The following ACYP2 variants were observed in gnomAD, a reference collection of about 807,000 sequenced individuals.
ACYP2 encodes the protein acylphosphatase 2, also known as acylphosphatase-2.
ACYP2 carries 12 observed loss-of-function variants against 11.2 expected under a neutral mutation model. The observed-to-expected ratio is 1.08, with a 90% CI of 0.69 to 1.74. The LOEUF is 1.74. ACYP2 is among the 40% of genes most tolerant of loss of function. The pLI, the probability that ACYP2 is intolerant of heterozygous loss-of-function variation, is 0.00. For synonymous variants in ACYP2, 43 were observed against 32.2 expected, an observed-to-expected ratio of 1.33 and a Z score of -1.13; for missense variants, 134 against 101.9, an observed-to-expected ratio of 1.31 and a Z score of -1.35.
At chr2:53,979,501 C>T (rs1170483895) in intron 2 of ACYP2, among the ~76,000 whole-genome samples, 2 of 151,642 alleles carry the variant, frequency 1.3e-5, no homozygotes, top group African/African-American at 4.8e-5. Flanking sequence ...GGGGTATGCA[C>T]CTGTAGTCCC....
At chr2:53,992,295 A>C (rs1025419195) in intron 2 of ACYP2, among the ~76,000 whole-genome samples, 1 of 152,042 alleles carries the variant, frequency 6.6e-6, no homozygotes, top group African/African-American at 2.4e-5. Flanking sequence ...TGAACCAAGC[A>C]CTTAAATTTA....
chr2:54,190,945 T>C, intron 6 of ACYP2, among the ~76,000 whole-genome samples: 1 of 152,200 alleles, frequency 6.6e-6, no homozygotes, highest in East Asian at 1.9e-4. Context: ...GTCACAAGCT[T>C]GGTATAATCC....
intron 6 of ACYP2, among the ~76,000 whole-genome samples, chr2:54,204,233 A>G (rs193174142): frequency 6.6e-6 from 1 of 150,930 alleles, no homozygotes; most frequent in Non-Finnish European, 1.5e-5. Flanking sequence ...TCCTGACCTC[A>G]TGTTCCGCCC....
At chr2:54,006,238 C>G (rs555520737) in intron 2 of ACYP2, among the ~76,000 whole-genome samples, 3 of 152,172 alleles carry the variant, frequency 2.0e-5, no homozygotes, top group African/African-American at 7.2e-5. Context: ...ACCTCTGCCT[C>G]CTGGGTTCAA....
intron 2 of ACYP2, among the ~76,000 whole-genome samples, chr2:54,045,836 A>T (rs1258535049): frequency 6.6e-6 from 1 of 151,270 alleles, no homozygotes; most frequent in Admixed American, 6.6e-5. Context: ...ATTGTGGAAC[A>T]CTTTCTGCTG....
intron 2 of ACYP2, among the ~76,000 whole-genome samples, chr2:54,049,317 C>T (rs892242187): frequency 6.6e-5 from 10 of 152,158 alleles, no homozygotes; most frequent in South Asian, 6.3e-4. Context: ...TTTGTGAATC[C>T]TTCCACCATC....
chr2:54,056,163 G>A (rs921910072), intron 3 of ACYP2, among the ~76,000 whole-genome samples: 3 of 152,206 alleles, frequency 2.0e-5, no homozygotes, highest in African/African-American at 7.2e-5. Context: ...ACCAGCTTGA[G>A]GAGGATTCAT....
chr2:54,226,165 G>A (rs1686003423), intron 6 of ACYP2, among the ~76,000 whole-genome samples: 1 of 152,160 alleles, frequency 6.6e-6, no homozygotes, highest in African/African-American at 2.4e-5. Flanking sequence ...TTCACACTGT[G>A]TTACTATAAA....
intron 2 of ACYP2, among the ~76,000 whole-genome samples, chr2:54,037,220 C>A (rs1674949560): frequency 6.6e-6 from 1 of 152,008 alleles, no homozygotes; most frequent in African/African-American, 2.4e-5. Context: ...TCAAGTGATC[C>A]TCTGGCCTCG....
intron 6 of ACYP2, among the ~76,000 whole-genome samples, chr2:54,280,157 A>G (rs1267406396): frequency 1.3e-5 from 2 of 152,214 alleles, no homozygotes; most frequent in Non-Finnish European, 2.9e-5. Context: ...CTCCAAGGCA[A>G]TCTTGACCTG....
intron 4 of ACYP2, among the ~76,000 whole-genome samples, chr2:54,099,277 T>C (rs1330456627): frequency 6.6e-6 from 1 of 152,236 alleles, no homozygotes; most frequent in Non-Finnish European, 1.5e-5. Flanking sequence ...TACTTACTTT[T>C]GTGTGGTGAG....
Position 54,050,969 on chromosome 2 carries a change from C to T in ACYP2, c.74C>T (p.Ser25Leu), listed in dbSNP as rs556185967. ...TTCTTTTTTTGTAGATACAAGGTCT[C>T]GCTGTTCTACCTAGGCTGTTCTAGA... The change falls in exon 3 of 7, where the codon TCG becomes TTG. Residue 25 changes from serine to leucine, a missense_variant. Physicochemically the swap from Ser to Leu is moderately radical, Grantham distance 145. Transcript: ENST00000607452. The T allele has an allele frequency of 3.9e-5, 16 of 410,412 alleles. No homozygotes were observed. The highest frequency in any genetic ancestry group is 8.2e-5 in the African/African-American group (4 of 48,676). The allele number at this position is 410,412 out of a possible 1,614,324, so 25.4% of individuals were successfully genotyped here.
At chr2:54,252,597 C>T (rs950948373) in intron 6 of ACYP2, among the ~76,000 whole-genome samples, 1 of 151,946 alleles carries the variant, frequency 6.6e-6, no homozygotes. Context: ...TCAATTTTAC[C>T]ATCATCCATT....
At chr2:53,975,030 G>T (rs936547012) in intron 2 of ACYP2, among the ~76,000 whole-genome samples, 1 of 152,122 alleles carries the variant, frequency 6.6e-6, no homozygotes, top group African/African-American at 2.4e-5. Flanking sequence ...GAAGAGACCA[G>T]CCTGGCCAAT....
At chr2:54,165,508 C>CTG (rs1163912251) in intron 6 of ACYP2, among the ~76,000 whole-genome samples, 18 of 129,800 alleles carry the variant, frequency 1.4e-4, no homozygotes, top group African/African-American at 4.2e-4. Context: ...CTGTCTCTCT[C>CTG]TCTTTCACTC....
At chr2:54,025,973 C>T (rs542708436) in intron 2 of ACYP2, among the ~76,000 whole-genome samples, 2 of 152,204 alleles carry the variant, frequency 1.3e-5, no homozygotes, top group South Asian at 4.1e-4. Flanking sequence ...AAAAATTAGC[C>T]AGGCGTGATG....
chr2:54,111,144 C>G lies in ACYP2; in HGVS notation c.278-24309C>G, dbSNP rs1415572567. 2.0e-5 allele frequency among the ~76,000 whole-genome samples: 3 copies of G among 152,038 alleles called. No homozygotes were observed. The East Asian group carries it at 5.8e-4, about 29-fold the overall frequency. ...AGAAGCTGGGATGGGGCACTTAATA[C>G]AGAAGCTGGGATACGGCTGTAGAGA... On this transcript the variant is annotated intron_variant, in intron 4 of 6. Coordinates refer to ENST00000607452, the MANE Select transcript of ACYP2 (RefSeq NM_001320586.2).
intron 5 of ACYP2, among the ~76,000 whole-genome samples, chr2:54,135,849 G>A (rs1263828227): frequency 6.6e-6 from 1 of 152,198 alleles, no homozygotes; most frequent in South Asian, 2.1e-4. Flanking sequence ...GTTGCATAAT[G>A]AAGTGGTTCC....
chr2:53,988,686 A>G (rs749454919), intron 2 of ACYP2, among the ~76,000 whole-genome samples: 4 of 151,776 alleles, frequency 2.6e-5, no homozygotes, highest in Non-Finnish European at 4.4e-5. Flanking sequence ...TCAGCCTCCC[A>G]TGGTGCTGGG....
Sources: allele counts gnomAD v4.1 joint callset (sites outside exome capture counted in the v4.1 genomes callset), GRCh38; gene constraint gnomAD v4.1.1; transcripts MANE v1.5; gene names NCBI Gene and HGNC (gene_info 2026-07-23, HGNC 2026-07-21).